The following TRMT11 variants were observed in gnomAD, a reference collection of about 807,000 sequenced individuals.
The protein encoded by TRMT11 is tRNA methyltransferase 11, also known as tRNA (guanine(10)-N(2))-methyltransferase TRMT11.
Under a neutral mutation model 62.8 loss-of-function variants are expected in TRMT11, and 53 were observed. That is an observed-to-expected ratio of 0.84 (90% CI 0.68 to 1.06). The LOEUF (loss-of-function observed/expected upper bound fraction) is 1.06, where lower values mean the gene tolerates loss of function less well. Among genes scored for constraint, TRMT11 ranks in the 50% least tolerant of loss-of-function variants. The probability of loss-of-function intolerance (pLI) is 0.00; values close to 1 mark genes in which losing one functional copy is unlikely to be tolerated. For synonymous variants in TRMT11, 188 were observed against 190.3 expected, an observed-to-expected ratio of 0.99 and a Z score of 0.10; for missense variants, 556 against 553.4, an observed-to-expected ratio of 1.00 and a Z score of -0.05.
intron 17 of TRMT11, among the ~76,000 whole-genome samples, chr6:126,108,175 A>T (rs965477208): frequency 6.6e-6 from 1 of 152,100 alleles, no homozygotes; most frequent in African/African-American, 2.4e-5. Context: ...CTTGCCTGTA[A>T]TTTCCACTTT....
intron 12 of TRMT11, among the ~76,000 whole-genome samples, chr6:126,024,331 T>C (rs1562279791): frequency 2.0e-5 from 3 of 152,236 alleles, no homozygotes; most frequent in Admixed American, 6.5e-5. Context: ...AGACTTGGCT[T>C]CTTTCAGGTG....
At chr6:126,186,801 C>T (rs1322620086) in intron 1 of TRMT11, among the ~76,000 whole-genome samples, 1 of 151,944 alleles carries the variant, frequency 6.6e-6, no homozygotes, top group African/African-American at 2.4e-5. Flanking sequence ...CTCTCGTGAC[C>T]TTTAGTTTTC....
the TRMT11 span, among the ~76,000 whole-genome samples, chr6:126,258,584 A>G: frequency 6.6e-6 from 1 of 152,126 alleles, no homozygotes; most frequent in Non-Finnish European, 1.5e-5. Flanking sequence ...CAGATTTTCT[A>G]TTTTTTTGAT....
At chr6:126,121,336 A>C (rs887746799) in intron 21 of TRMT11, among the ~76,000 whole-genome samples, 4 of 152,144 alleles carry the variant, frequency 2.6e-5, no homozygotes, top group African/African-American at 9.6e-5. Context: ...ACAAGTAAGA[A>C]TAACAATGAA....
intron 17 of TRMT11, among the ~76,000 whole-genome samples, chr6:126,074,300 C>T (rs1195875976): frequency 6.6e-6 from 1 of 152,104 alleles, no homozygotes; most frequent in African/African-American, 2.4e-5. Context: ...CAAAGCACTT[C>T]TTATTACCCA....
chr6:126,004,754 T>C (rs1427160352), intron 7 of TRMT11, among the ~76,000 whole-genome samples: 2 of 152,084 alleles, frequency 1.3e-5, no homozygotes, highest in Admixed American at 6.6e-5. Context: ...GTTTCCCAAA[T>C]GTATTGCTCA....
chr6:126,153,944 T>C (rs963206122), intron 21 of TRMT11, among the ~76,000 whole-genome samples: 3 of 152,204 alleles, frequency 2.0e-5, no homozygotes, highest in African/African-American at 7.2e-5. Context: ...GCTGGGCTAC[T>C]GTCAGTGAGT....
chr6:126,195,867 CTCTT>C (rs1778660335), intron 1 of TRMT11, among the ~76,000 whole-genome samples: 1 of 152,088 alleles, frequency 6.6e-6, no homozygotes, highest in Non-Finnish European at 1.5e-5. Context: ...AAGAGATGGC[CTCTT>C]TCTTTCTTTC....
At chr6:126,189,487 A>G (rs895733176) in intron 1 of TRMT11, among the ~76,000 whole-genome samples, 2 of 152,176 alleles carry the variant, frequency 1.3e-5, no homozygotes, top group Non-Finnish European at 2.9e-5. Flanking sequence ...AAATCCATGA[A>G]CATTCAAATC....
At chr6:126,143,019 A>G (rs1397385383) in intron 21 of TRMT11, among the ~76,000 whole-genome samples, 1 of 152,124 alleles carries the variant, frequency 6.6e-6, no homozygotes, top group African/African-American at 2.4e-5. Context: ...AGAAAATATT[A>G]GTTCAGGCAC....
chr6:125,998,542 T>C lies in TRMT11; in HGVS notation c.388-8T>C, dbSNP rs1791977284. On this transcript the variant is annotated splice_region_variant and splice_polypyrimidine_tract_variant and intron_variant, in intron 5 of 12. Coordinates refer to ENST00000334379, the MANE Select transcript of TRMT11 (RefSeq NM_001031712.3). Reference sequence around the variant, plus strand: ...ATAAGACATCAGCATTTCTTTTGTTTCTTTTAGGCACTTGAATTTCTGCCA... The same window carrying C: ...ATAAGACATCAGCATTTCTTTTGTTCCTTTTAGGCACTTGAATTTCTGCCA... 6.2e-7 allele frequency: 1 copy of C among 1,605,158 alleles called. No homozygotes were observed. The highest frequency in any genetic ancestry group is 1.1e-5 in the South Asian group (1 of 89,380).
chr6:126,261,023 ACTTT>A, the TRMT11 span, among the ~76,000 whole-genome samples: 214 of 152,252 alleles, frequency 1.4e-3, 1 homozygote, highest in African/African-American at 4.8e-3. Context: ...GTTTTCTGTG[ACTTT>A]CTTTATTTCT....
chr6:126,148,857 CTAT>C (rs1352976573), intron 21 of TRMT11, among the ~76,000 whole-genome samples: 1 of 152,062 alleles, frequency 6.6e-6, no homozygotes, highest in Admixed American at 6.6e-5. Flanking sequence ...TCAATGTTAG[CTAT>C]TATTATAATT....
chr6:126,001,648 A>G (rs923940671), intron 7 of TRMT11, among the ~76,000 whole-genome samples: 1 of 151,962 alleles, frequency 6.6e-6, no homozygotes, highest in Non-Finnish European at 1.5e-5. Context: ...CAATCTGTGG[A>G]GAGACACATT....
At chr6:126,181,081 T>C (rs887180976) in intron 1 of TRMT11, among the ~76,000 whole-genome samples, 1 of 152,194 alleles carries the variant, frequency 6.6e-6, no homozygotes, top group Non-Finnish European at 1.5e-5. Flanking sequence ...TTTAAAGGAA[T>C]ATTTTAGTGA....
At chr6:126,118,065 T>C (rs1777610510) in intron 21 of TRMT11, among the ~76,000 whole-genome samples, 1 of 152,278 alleles carries the variant, frequency 6.6e-6, no homozygotes, top group East Asian at 1.9e-4. Context: ...TCTGCTGCTG[T>C]CAGTAGATTT....
At chr6:126,214,036 T>C in the TRMT11 span, among the ~76,000 whole-genome samples, 2 of 152,040 alleles carry the variant, frequency 1.3e-5, no homozygotes, top group Admixed American at 1.3e-4. Context: ...ATATGATGAG[T>C]CACATTAATT....
chr6:126,253,113 A>G, the TRMT11 span, among the ~76,000 whole-genome samples: 15 of 151,304 alleles, frequency 9.9e-5, no homozygotes, highest in Non-Finnish European at 1.5e-4. Context: ...AAAAAAAAAC[A>G]AGTTATAATC....
the TRMT11 span, among the ~76,000 whole-genome samples, chr6:126,268,198 G>A: frequency 6.6e-6 from 1 of 152,136 alleles, no homozygotes; most frequent in Non-Finnish European, 1.5e-5. Flanking sequence ...GAAACAAGAA[G>A]AAGGAGAAGA....
Sources: gnomAD v4.1 joint callset for allele counts (sites outside exome capture counted in the v4.1 genomes callset) on GRCh38, gnomAD v4.1.1 for gene constraint, MANE v1.5 for transcripts, NCBI Gene and HGNC (gene_info 2026-07-23, HGNC 2026-07-21) for gene names.